Variants in PSMC2 observed in about 807,000 individuals in gnomAD.
PSMC2 encodes 26S proteasome regulatory subunit 7.
A neutral mutation model predicts 53.3 loss-of-function variants in PSMC2; 7 were observed. The ratio of observed to expected loss-of-function variants is 0.13; its 90% CI spans 0.07 to 0.25. The LOEUF (loss-of-function observed/expected upper bound fraction) is 0.25, where lower values mean the gene tolerates loss of function less well. Ranked by LOEUF, PSMC2 falls within the 10% of genes least tolerant of loss-of-function variation. The pLI is 1.00. For missense variants in PSMC2, 241 were observed against 544.0 expected (o/e 0.44, Z 5.54); for synonymous variants, 169 against 183.9 (o/e 0.92, Z 0.66).
rs1820753598 is a variant in PSMC2, at chr7:103,367,014, A to G, written c.845-399A>G. On this transcript the variant is annotated intron_variant, in intron 9 of 11. Transcript: ENST00000292644. This position sits in a 1 kb window ranked among gnomAD's most constrained non-coding sequence, Gnocchi z 6.1. ...GAGACGTGGTTTCACCATGTTGGCC[A>G]GGCTGGTCTCGAACTCCTGAGGACA... Among the ~76,000 whole-genome samples, 2 of 152,162 alleles carry G rather than the reference A, an allele frequency of 1.3e-5. No homozygotes were observed. The highest frequency in any genetic ancestry group is 4.8e-5 in the African/African-American group (2 of 41,440).
At chr7:103,357,060 T>G (rs7782185) in intron 4 of PSMC2, among the ~76,000 whole-genome samples, 7,995 of 152,240 alleles carry the variant, frequency 0.053, 293 homozygotes, top group South Asian at 0.14. Context: ...GCACGGCAGC[T>G]CACGCCTGTA....
intron 8 of PSMC2, among the ~76,000 whole-genome samples, chr7:103,365,148 G>C (rs1489771970): frequency 6.6e-6 from 1 of 151,762 alleles, no homozygotes; most frequent in African/African-American, 2.4e-5. Context: ...CCAAGTGATA[G>C]ATCAGATGCT....
intron 4 of PSMC2, among the ~76,000 whole-genome samples, chr7:103,361,510 C>CAAAAAAAAAAAAAAAAAAAAA (rs759044767): frequency 2.0e-5 from 1 of 51,102 alleles, no homozygotes; most frequent in African/African-American, 6.5e-5. Flanking sequence ...AACTCCATCT[C>CAAAAAAAAAAAAAAAAAAAAA]AAAAAAAAAA....
intron 1 of PSMC2, among the ~76,000 whole-genome samples, chr7:103,352,255 GT>G (rs1219097756): frequency 1.9e-5 from 2 of 103,162 alleles, no homozygotes; most frequent in Non-Finnish European, 4.0e-5. Context: ...AAGACCTGCC[GT>G]TTTTTTCCTT....
intron 3 of PSMC2, 88 bp from the exon 4 acceptor site, chr7:103,355,606 C>G (rs1819988788): frequency 1.0e-6 from 1 of 981,766 alleles, no homozygotes; most frequent in African/African-American, 1.6e-5. Flanking sequence ...TGATTCAGTG[C>G]AAAATATCAG....
intron 6 of PSMC2, among the ~76,000 whole-genome samples, 200 bp from the exon 7 acceptor site, chr7:103,363,144 T>A (rs1820511191): frequency 6.6e-6 from 1 of 152,182 alleles, no homozygotes; most frequent in Non-Finnish European, 1.5e-5. Context: ...GTCTTTATTT[T>A]ACTAGTTTGT....
chr7:103,349,740 G>A (rs912702628), intron 1 of PSMC2, among the ~76,000 whole-genome samples: 3 of 152,096 alleles, frequency 2.0e-5, no homozygotes, highest in East Asian at 1.9e-4. Flanking sequence ...GTGAGCCACC[G>A]CGTCTAGCCT....
intron 9 of PSMC2, among the ~76,000 whole-genome samples, chr7:103,366,872 T>C (rs1820744559): frequency 6.6e-6 from 1 of 152,200 alleles, no homozygotes. Context: ...TGGCATGATC[T>C]TGGCTCACTG....
upstream of PSMC2, chr7:103,347,607 T>G (rs1819630587): frequency 7.3e-7 from 1 of 1,368,848 alleles, no homozygotes; most frequent in Non-Finnish European, 1.0e-6. Context: ...GGGGTCTGTC[T>G]GAGCCCAATT....
intron 1 of PSMC2, among the ~76,000 whole-genome samples, chr7:103,353,671 T>C (rs2116139899): frequency 6.6e-6 from 1 of 152,368 alleles, no homozygotes; most frequent in East Asian, 1.9e-4. Flanking sequence ...ATGTGTTTTA[T>C]GTATGTACTA....
chr7:103,347,597 G>A (rs1035338154), upstream of PSMC2: 5 of 1,207,158 alleles, frequency 4.1e-6, no homozygotes, highest in East Asian at 2.4e-5. Context: ...ACTGCATAAA[G>A]GGGTCTGTCT....
At chr7:103,360,082 A>G (rs1049841901) in intron 4 of PSMC2, among the ~76,000 whole-genome samples, 21 of 152,032 alleles carry the variant, frequency 1.4e-4, no homozygotes, top group Non-Finnish European at 1.6e-4. Flanking sequence ...CCGTCTCAAA[A>G]AAAAAAAAAA....
intron 4 of PSMC2, among the ~76,000 whole-genome samples, chr7:103,360,445 A>T (rs1366063177): frequency 6.6e-6 from 1 of 152,040 alleles, no homozygotes; most frequent in African/African-American, 2.4e-5. Context: ...TCACACAATT[A>T]TGCTATCAGG....
At chr7:103,360,550 C>A (rs1820322040) in intron 4 of PSMC2, among the ~76,000 whole-genome samples, 1 of 152,216 alleles carries the variant, frequency 6.6e-6, no homozygotes, top group Non-Finnish European at 1.5e-5. Flanking sequence ...CATCCCACCA[C>A]ACCTGGCTAA....
chr7:103,356,632 G>A (rs1820049422), intron 4 of PSMC2, among the ~76,000 whole-genome samples: 1 of 152,018 alleles, frequency 6.6e-6, no homozygotes, highest in African/African-American at 2.4e-5. Context: ...CTCATGTTTT[G>A]TTCTTGGGTT....
chr7:103,359,237 A>G (rs1418819311), intron 4 of PSMC2, among the ~76,000 whole-genome samples: 1 of 141,698 alleles, frequency 7.1e-6, no homozygotes, highest in Non-Finnish European at 1.5e-5. Flanking sequence ...GGCTCAAGCC[A>G]TCTGCCCACC....
chr7:103,352,918 G>C (rs369412458), intron 1 of PSMC2: 1 of 780,830 alleles, frequency 1.3e-6, no homozygotes, highest in Admixed American at 1.7e-5. Context: ...GGTCATCTCT[G>C]TATGAAAGCT....
At position 103,367,202 on chromosome 7, in the gene PSMC2, G is replaced by T. The variant is rs918809733; in HGVS notation, c.845-211G>T. ...CCATAGGCAGTTTAAAAAACGTTAA[G>T]TAAATCTGTGATGAATACTTTTGAA... On this transcript the variant is annotated intron_variant, in intron 9 of 11. Coordinates refer to ENST00000292644, the MANE Select transcript of PSMC2 (RefSeq NM_002803.4). This position sits in a 1 kb window ranked among gnomAD's most constrained non-coding sequence, Gnocchi z 6.1. 1.3e-5 allele frequency among the ~76,000 whole-genome samples: 2 copies of T among 152,190 alleles called. No homozygotes were observed. Among genetic ancestry groups the T allele is most frequent in the African/African-American group, 4.8e-5 (2 of 41,498 alleles).
Position 103,361,973 on chromosome 7 carries a change from A to C in PSMC2, c.307A>C (p.Asn103His). 1 of 1,612,306 alleles carries C rather than the reference A, an allele frequency of 6.2e-7. No homozygotes were observed. The highest frequency in any genetic ancestry group is 8.5e-7 in the Non-Finnish European group (1 of 1,179,610). ...LQVARCTKII[N>H]ADSEDPKYII... Reference sequence around the variant, plus strand: ...CTGTGTTAGGTGTACAAAGATAATCAATGCTGATTCGGAGGACCCAAAATA... The same window carrying C: ...CTGTGTTAGGTGTACAAAGATAATCCATGCTGATTCGGAGGACCCAAAATA... Residue 103 changes from asparagine to histidine, a missense_variant, in exon 5 of 12, where the codon AAT (asparagine) becomes CAT (histidine). Transcript: ENST00000292644.
Sources: allele counts gnomAD v4.1 joint callset (sites outside exome capture counted in the v4.1 genomes callset), GRCh38; gene constraint gnomAD v4.1.1; non-coding constraint Gnocchi (gnomAD v3.1); transcripts MANE v1.5; gene names NCBI Gene and HGNC (gene_info 2026-07-23, HGNC 2026-07-21).